Variants in PCP4 observed in about 807,000 individuals in gnomAD.
PCP4 encodes the protein Purkinje cell protein 4.
PCP4 carries 8 observed loss-of-function variants against 10.0 expected under a neutral mutation model. That is an observed-to-expected ratio of 0.80 (90% CI 0.47 to 1.45). The LOEUF is 1.45. Ranked by LOEUF, PCP4 falls within the 40% of genes most tolerant of loss-of-function variation. The probability of loss-of-function intolerance (pLI) is 0.00; values close to 1 mark genes in which losing one functional copy is unlikely to be tolerated. For missense variants in PCP4, 54 were observed against 74.4 expected, an observed-to-expected ratio of 0.73 and a Z score of 1.01; for synonymous variants, 21 against 23.0, an observed-to-expected ratio of 0.91 and a Z score of 0.24.
intron 2 of PCP4, among the ~76,000 whole-genome samples, chr21:39,923,943 G>A (rs1328204597): frequency 6.6e-6 from 1 of 152,152 alleles, no homozygotes; most frequent in Non-Finnish European, 1.5e-5. Flanking sequence ...GGACTGTATC[G>A]GTCGGCAGTG....
chr21:39,883,909 A>G (rs1185721871), intron 1 of PCP4, among the ~76,000 whole-genome samples: 1 of 152,220 alleles, frequency 6.6e-6, no homozygotes, highest in African/African-American at 2.4e-5. Flanking sequence ...AATCCATGCA[A>G]TGTGAGTGTT....
chr21:39,905,464 A>C (rs552300771), intron 2 of PCP4, among the ~76,000 whole-genome samples: 1 of 152,294 alleles, frequency 6.6e-6, no homozygotes, highest in East Asian at 1.9e-4. Context: ...AGACAAACCC[A>C]GTCAATGGGT....
intron 1 of PCP4, among the ~76,000 whole-genome samples, chr21:39,888,945 T>A (rs2087414981): frequency 6.6e-6 from 1 of 152,240 alleles, no homozygotes; most frequent in South Asian, 2.1e-4. Context: ...CTTTACTTCT[T>A]AGCCTGGGAG....
At chr21:39,922,043 G>C (rs2087599051) in intron 2 of PCP4, among the ~76,000 whole-genome samples, 1 of 152,202 alleles carries the variant, frequency 6.6e-6, no homozygotes. Flanking sequence ...ATAGAGACAG[G>C]ATCTCACTAT....
chr21:39,920,843 C>T (rs778754090), intron 2 of PCP4, among the ~76,000 whole-genome samples: 1 of 152,200 alleles, frequency 6.6e-6, no homozygotes, highest in African/African-American at 2.4e-5. Context: ...TCCCACCATC[C>T]GTGAAGAGCC....
rs538793224 is a variant in PCP4 at position 39,905,754 on chromosome 21, T to C, written c.61+7227T>C. ...TCTTTACATCTATAGGCTTGCATAG[T>C]TTAAAAAAATGTGGCCGGGCACGGT... On this transcript the variant is annotated intron_variant, in intron 2 of 2. Coordinates refer to ENST00000328619, the MANE Select transcript of PCP4 (RefSeq NM_006198.3). Among the ~76,000 whole-genome samples the C allele has an allele frequency of 2.4e-4, 37 of 152,166 alleles. No individual in the cohort carries two copies. In the South Asian group the frequency reaches 6.9e-3, roughly 28 times the overall value.
At chr21:39,886,051 C>A (rs949197466) in intron 1 of PCP4, among the ~76,000 whole-genome samples, 2 of 152,264 alleles carry the variant, frequency 1.3e-5, no homozygotes, top group African/African-American at 4.8e-5. Context: ...TTCAAATTGT[C>A]CCTTTTAATA....
At chr21:39,870,890 A>G (rs1398287236) in intron 1 of PCP4, among the ~76,000 whole-genome samples, 1 of 152,190 alleles carries the variant, frequency 6.6e-6, no homozygotes, top group East Asian at 1.9e-4. Flanking sequence ...ACTCAGTACA[A>G]GGGCTGTGGC....
chr21:39,902,533 G>C (rs1350790732), intron 2 of PCP4, among the ~76,000 whole-genome samples: 1 of 152,018 alleles, frequency 6.6e-6, no homozygotes, highest in Non-Finnish European at 1.5e-5. Flanking sequence ...ATTTATTTTT[G>C]TTATTGTTGT....
At chr21:39,901,393 C>T (rs944398396) in intron 2 of PCP4, among the ~76,000 whole-genome samples, 8 of 152,198 alleles carry the variant, frequency 5.3e-5, no homozygotes, top group African/African-American at 1.2e-4. Flanking sequence ...CACATGGTGA[C>T]GAAGCCAGGA....
At chr21:39,898,569 T>C in intron 2 of PCP4, 42 bp downstream of exon 2, 1 of 1,507,876 alleles carries the variant, frequency 6.6e-7, no homozygotes, top group East Asian at 2.3e-5. Context: ...TCTTTTGCCA[T>C]CTGCAGCCCT....
At chr21:39,885,199 G>A (rs911152177) in intron 1 of PCP4, among the ~76,000 whole-genome samples, 3 of 152,188 alleles carry the variant, frequency 2.0e-5, no homozygotes, top group African/African-American at 4.8e-5. Context: ...AGCCAGAGCC[G>A]TTAAATGGGT....
chr21:39,917,631 C>T (rs1236444810), intron 2 of PCP4, among the ~76,000 whole-genome samples: 1 of 152,212 alleles, frequency 6.6e-6, no homozygotes. Flanking sequence ...ATTTGAACCT[C>T]AGGAAGGCAA....
intron 1 of PCP4, among the ~76,000 whole-genome samples, chr21:39,880,291 T>C (rs183325153): frequency 1.3e-3 from 201 of 152,286 alleles, no homozygotes; most frequent in African/African-American, 3.9e-3. Context: ...CCAAGGGAGC[T>C]TTCAAGTTGG....
At chr21:39,904,967 C>T (rs1416306978) in intron 2 of PCP4, among the ~76,000 whole-genome samples, 1 of 152,180 alleles carries the variant, frequency 6.6e-6, no homozygotes, top group East Asian at 1.9e-4. Flanking sequence ...ATAACTTTCA[C>T]AGACAGCACT....
intron 2 of PCP4, among the ~76,000 whole-genome samples, chr21:39,922,668 T>G (rs1162096156): frequency 3.3e-5 from 5 of 152,174 alleles, no homozygotes; most frequent in Admixed American, 2.0e-4. Flanking sequence ...AGGTTTCTGC[T>G]CAGAGGGAAA....
chr21:39,921,156 A>G (rs2087594961), intron 2 of PCP4, among the ~76,000 whole-genome samples: 1 of 152,252 alleles, frequency 6.6e-6, no homozygotes, highest in African/African-American at 2.4e-5. Context: ...CTGGTAAACC[A>G]GCAGATTTTG....
intron 1 of PCP4, among the ~76,000 whole-genome samples, chr21:39,868,687 T>A (rs914956457): frequency 6.6e-6 from 1 of 152,190 alleles, no homozygotes; most frequent in African/African-American, 2.4e-5. Flanking sequence ...AACAACTCCG[T>A]GCAGTGGGCA....
chr21:39,908,513 G>A (rs1423908655), intron 2 of PCP4, among the ~76,000 whole-genome samples: 1 of 152,174 alleles, frequency 6.6e-6, no homozygotes, highest in Non-Finnish European at 1.5e-5. Flanking sequence ...CTGTAAGCTG[G>A]GGTTTGTCAG....
Sources: allele counts gnomAD v4.1 joint callset (sites outside exome capture counted in the v4.1 genomes callset), GRCh38; gene constraint gnomAD v4.1.1; transcripts MANE v1.5; gene names NCBI Gene and HGNC (gene_info 2026-07-23, HGNC 2026-07-21).